IMMT: variants seen among roughly 807,000 people sequenced by gnomAD.
IMMT encodes the protein inner membrane mitochondrial protein.
Under a neutral mutation model 92.7 loss-of-function variants are expected in IMMT, and 40 were observed. The observed-to-expected ratio is 0.43, with a 90% CI of 0.34 to 0.56. The LOEUF (loss-of-function observed/expected upper bound fraction) is 0.56, where lower values mean the gene tolerates loss of function less well. IMMT is among the 20% of genes least tolerant of loss of function. The pLI, the probability that IMMT is intolerant of heterozygous loss-of-function variation, is 0.03. For synonymous variants in IMMT, 322 were observed against 336.1 expected, an observed-to-expected ratio of 0.96 and a Z score of 0.46; for missense variants, 831 against 912.1, an observed-to-expected ratio of 0.91 and a Z score of 1.14.
At chr2:86,148,901 G>C (rs561334560) in intron 12 of IMMT, among the ~76,000 whole-genome samples, 4 of 152,206 alleles carry the variant, frequency 2.6e-5, no homozygotes, top group African/African-American at 4.8e-5. Flanking sequence ...TACTAGCCCT[G>C]TGTGCCAGGC....
chr2:86,145,750 T>C (rs1304130236), intron 14 of IMMT, among the ~76,000 whole-genome samples: 1 of 152,120 alleles, frequency 6.6e-6, no homozygotes, highest in African/African-American at 2.4e-5. Context: ...CACCTCCAGA[T>C]AACCCACCAA....
chr2:86,146,596 C>G (rs1675033216), intron 13 of IMMT, among the ~76,000 whole-genome samples: 1 of 152,100 alleles, frequency 6.6e-6, no homozygotes, highest in South Asian at 2.1e-4. Context: ...ATCTCTTAAC[C>G]TCGTGATCCG....
At chr2:86,162,985 T>TATTA (rs1676404981) in intron 7 of IMMT, among the ~76,000 whole-genome samples, 1 of 152,086 alleles carries the variant, frequency 6.6e-6, no homozygotes, top group Non-Finnish European at 1.5e-5. Context: ...AACACTCTAA[T>TATTA]ACCACTAAGT....
In IMMT at chr2:86,166,598, G is replaced by A. The variant is rs1034159282; in HGVS notation, c.702C>T (p.Val234=). ...LEDALRQTAS[V]TLQAIAAQNA... is the part of the protein sequence containing the mutation. ...TCTGAGCTGCAATAGCCTGCAGAGT[G>A]ACACTTGCAGTTTGCCTCAGAGCAT... The change falls in exon 7 of 15, where the codon GTC becomes GTT. Residue 234 remains valine, a synonymous_variant. Coordinates refer to ENST00000410111, the MANE Select transcript of IMMT (RefSeq NM_006839.3). The A allele has an allele frequency of 1.9e-6, 3 of 1,612,918 alleles. No homozygotes were observed. The highest frequency in any genetic ancestry group is 1.7e-4 in the Middle Eastern group (1 of 5,984).
At position 86,159,462 on chromosome 2, in the gene IMMT, T is replaced by G. The variant is rs775980600; in HGVS notation, c.1032+74A>C. On this transcript the variant is annotated intron_variant, in intron 9 of 14. Coordinates refer to ENST00000410111, the MANE Select transcript of IMMT (RefSeq NM_006839.3). ...CGGGGAGATGGTAGGAATTTGCTGT[T>G]TTCCTAAATCCTTAAAATCCTTTAA... The G allele has an allele frequency of 2.5e-6, 3 of 1,205,300 alleles. No individual in the cohort carries two copies. In the African/African-American group the frequency reaches 4.5e-5, roughly 18 times the overall value. 74.7% of individuals were successfully genotyped at this position (1,205,300 alleles called of 1,614,324 possible).
chr2:86,173,469 A>C, intron 4 of IMMT, 181 bp downstream of exon 4: 1 of 511,914 alleles, frequency 2.0e-6, no homozygotes, highest in Non-Finnish European at 3.5e-6. Context: ...AATCCCAGCT[A>C]CTCAGGAGTC....
intron 1 of IMMT, among the ~76,000 whole-genome samples, chr2:86,187,921 A>G (rs1199401677): frequency 6.6e-6 from 1 of 151,714 alleles, no homozygotes; most frequent in African/African-American, 2.4e-5. Context: ...TCCAGAAAAA[A>G]AAAAAAAAGT....
chr2:86,184,635 T>C (rs1672635440), intron 1 of IMMT, among the ~76,000 whole-genome samples: 1 of 151,658 alleles, frequency 6.6e-6, no homozygotes, highest in African/African-American at 2.4e-5. Context: ...GTCATGACTT[T>C]GGGACTGGTG....
intron 11 of IMMT, among the ~76,000 whole-genome samples, chr2:86,152,910 C>T (rs1675580377): frequency 6.6e-6 from 1 of 151,756 alleles, no homozygotes; most frequent in African/African-American, 2.4e-5. Context: ...AAGCAAAAAA[C>T]AAAAAGGGGC....
At chr2:86,174,393 G>A (rs1004770675) in intron 3 of IMMT, among the ~76,000 whole-genome samples, 1 of 152,144 alleles carries the variant, frequency 6.6e-6, no homozygotes, top group Non-Finnish European at 1.5e-5. Flanking sequence ...CTTGGCAGTA[G>A]GACTCAGATA....
chr2:86,153,332 C>CAT (rs1553445607), intron 11 of IMMT, among the ~76,000 whole-genome samples: 1 of 151,930 alleles, frequency 6.6e-6, no homozygotes, highest in East Asian at 1.9e-4. Context: ...CACACACACA[C>CAT]ACACACACAC....
Position 86,171,318 on chromosome 2 carries a change from G to A in IMMT, c.449C>T (p.Ser150Phe), listed in dbSNP as rs768815296. The A allele has an allele frequency of 2.5e-6, 4 of 1,611,532 alleles. No homozygotes were observed. In the East Asian group the frequency reaches 8.9e-5, roughly 36 times the overall value. Residue 150 changes from serine (S) to phenylalanine (F), a missense_variant, in exon 5 of 15, where the codon TCT (serine) becomes TTT (phenylalanine). By Grantham distance (155) the Ser-to-Phe change is radical. Coordinates refer to ENST00000410111, the MANE Select transcript of IMMT (RefSeq NM_006839.3). ...GACCGACAGGGTATCACCTGCTGCA[G>A]AAATAATTTGAGCCGCTTCTGTAGG... ...TAPTEAAQII[S>F]AAGDTLSVPA...
intron 7 of IMMT, among the ~76,000 whole-genome samples, chr2:86,164,492 A>G (rs1573907924): frequency 6.6e-6 from 1 of 151,448 alleles, no homozygotes; most frequent in African/African-American, 2.4e-5. Context: ...TGAGTTCGAG[A>G]CCAGCCTGGC....
intron 6 of IMMT, among the ~76,000 whole-genome samples, chr2:86,169,230 GGTGCCCAAGTGATAA>G: frequency 6.6e-6 from 1 of 152,164 alleles, no homozygotes; most frequent in Non-Finnish European, 1.5e-5. Context: ...TTAATTTCAA[GGTGCCCAAGTGATAA>G]AGAGAGAAAA....
intron 7 of IMMT, among the ~76,000 whole-genome samples, chr2:86,164,121 G>A (rs1218602679): frequency 1.6e-5 from 2 of 124,970 alleles, no homozygotes; most frequent in Admixed American, 9.4e-5. Flanking sequence ...GCAATGGCTC[G>A]ATCTTGGCTC....
chr2:86,174,106 C>T (rs73946318), intron 3 of IMMT, among the ~76,000 whole-genome samples: 1,843 of 152,310 alleles, frequency 0.012, 45 homozygotes, highest in African/African-American at 0.042. Context: ...CTAAATCAAA[C>T]TATGATGTCT....
rs962426170 is a variant in IMMT, at chr2:86,161,784, G to T, written c.896+192C>A. On this transcript the variant is annotated intron_variant, in intron 8 of 14. Transcript: ENST00000410111. ...CCGCCTCGGCCTCCCAAAGTGCTGGGATTACAGGTGTGAGCCACCGTGCCC... is the reference window on the plus strand; with the variant it reads ...CCGCCTCGGCCTCCCAAAGTGCTGGTATTACAGGTGTGAGCCACCGTGCCC... 2.6e-5 allele frequency among the ~76,000 whole-genome samples: 4 copies of T among 152,092 alleles called. No individual in the cohort carries two copies. The East Asian group carries it at 7.7e-4, about 29-fold the overall frequency.
At chr2:86,165,720 ATGT>A (rs1479725250) in intron 7 of IMMT, among the ~76,000 whole-genome samples, 3 of 150,560 alleles carry the variant, frequency 2.0e-5, no homozygotes, top group Admixed American at 6.7e-5. Context: ...TGAAAAATCA[ATGT>A]TATTACTTCA....
At chr2:86,160,159 A>AGAGAG (rs1330221264) in intron 8 of IMMT, 1 of 152,580 alleles carries the variant, frequency 6.6e-6, no homozygotes, top group Non-Finnish European at 1.5e-5. Context: ...AGAGTGAACC[A>AGAGAG]GAGAGGTAGC....
Sources: gnomAD v4.1 joint callset for allele counts (sites outside exome capture counted in the v4.1 genomes callset) on GRCh38, gnomAD v4.1.1 for gene constraint, MANE v1.5 for transcripts, NCBI Gene and HGNC (gene_info 2026-07-23, HGNC 2026-07-21) for gene names.